Variants in UFL1 observed in about 807,000 individuals in gnomAD.
The protein encoded by UFL1 is UFM1 specific ligase 1, also known as E3 UFM1-protein ligase 1.
Under a neutral mutation model 99.3 loss-of-function variants are expected in UFL1, and 78 were observed. The observed-to-expected ratio is 0.79, with a 90% confidence interval of 0.65 to 0.95. The LOEUF (loss-of-function observed/expected upper bound fraction) is 0.95, where lower values mean the gene tolerates loss of function less well. Ranked by LOEUF, UFL1 falls within the 40% of genes least tolerant of loss-of-function variation. UFL1 has a pLI of 0.00. For synonymous variants in UFL1, 335 were observed against 322.2 expected, an observed-to-expected ratio of 1.04 and a Z score of -0.42; for missense variants, 936 against 937.0, an observed-to-expected ratio of 1.00 and a Z score of 0.01.
At chr6:96,547,373 A>G (rs1562256281) in intron 12 of UFL1, among the ~76,000 whole-genome samples, 1 of 151,634 alleles carries the variant, frequency 6.6e-6, no homozygotes, top group Non-Finnish European at 1.5e-5. Flanking sequence ...GTTGGAGAGA[A>G]TGTAAATTAG....
At chr6:96,532,683 A>G (rs558067122) in intron 6 of UFL1, among the ~76,000 whole-genome samples, 1 of 152,160 alleles carries the variant, frequency 6.6e-6, no homozygotes, top group East Asian at 1.9e-4. Flanking sequence ...CTCCTTTTCC[A>G]CTTACCACCG....
chr6:96,528,704 G>A, intron 6 of UFL1, 72 bp downstream of exon 6: 1 of 1,470,210 alleles, frequency 6.8e-7, no homozygotes, highest in East Asian at 2.4e-5. Context: ...CCTAGCAGCG[G>A]AATCTTTTTC....
rs1770114558 is a variant in UFL1 at position 96,553,701 on chromosome 6, A to C, written c.*198A>C. Reference sequence around the variant, plus strand: ...TGAATTTTTGTAAATTGGGTTCTTCATGGAAGTTTTTTTCCACCTGATTTT... The same window carrying C: ...TGAATTTTTGTAAATTGGGTTCTTCCTGGAAGTTTTTTTCCACCTGATTTT... On this transcript the variant is annotated 3_prime_UTR_variant, in exon 19 of 19. Transcript: ENST00000369278. 1 of 420,474 alleles carries C rather than the reference A, an allele frequency of 2.4e-6. No homozygotes were observed. The highest frequency in any genetic ancestry group is 4.2e-6 in the Non-Finnish European group (1 of 239,130). The allele number at this position is 420,474 out of a possible 1,614,324, so 26.0% of individuals were successfully genotyped here. A position where few individuals can be genotyped will look rare whatever the true frequency, so the allele number is the denominator to read the frequency against.
chr6:96,532,901 A>G (rs542996542), intron 6 of UFL1, among the ~76,000 whole-genome samples: 1 of 152,312 alleles, frequency 6.6e-6, no homozygotes, highest in Admixed American at 6.5e-5. Context: ...ATTTAATAAA[A>G]AGCAAATTGA....
Position 96,536,107 on chromosome 6 carries a change from C to T in UFL1, c.656-137C>T, listed in dbSNP as rs1769848908. The T allele has an allele frequency of 4.9e-6, 4 of 820,362 alleles. No homozygotes were observed. In the East Asian group the frequency reaches 8.8e-5, roughly 18 times the overall value. 50.8% of individuals were successfully genotyped at this position (820,362 alleles called of 1,614,324 possible). ...GAAAATTTTGTCTAAAATATACTAC[C>T]TTTATTTATGCTATTTCAACTTCAG... is the stretch of plus-strand genomic sequence containing the variant. On this transcript the variant is annotated intron_variant, in intron 7 of 18. Transcript: ENST00000369278.
At position 96,525,344 on chromosome 6, in the gene UFL1, T is replaced by C; in HGVS notation, c.300T>C (p.Ile100=). The C allele has an allele frequency of 1.2e-6, 2 of 1,610,656 alleles. No individual in the cohort carries two copies. Among genetic ancestry groups the C allele is most frequent in the South Asian group, 1.1e-5 (1 of 90,262 alleles). Residue 100 remains isoleucine, a synonymous_variant, in exon 4 of 19, where the codon ATT becomes ATC. Coordinates refer to ENST00000369278, the MANE Select transcript of UFL1 (RefSeq NM_015323.5). ...ATATTGAAAATAGAATTGGTGACAT[T>C]ATTAAATCAGAAAAGCATGTTCAGT... ...LIHIENRIGD[I]IKSEKHVQLV...
chr6:96,549,242 C>T (rs1348955533), intron 13 of UFL1, among the ~76,000 whole-genome samples, 170 bp from the exon 14 acceptor site: 1 of 151,306 alleles, frequency 6.6e-6, no homozygotes, highest in East Asian at 1.9e-4. Context: ...TGTCTTAATT[C>T]CTAGGGTTGT....
At position 96,553,560 on chromosome 6, in the gene UFL1, G is replaced by A. The variant is rs1292846019; in HGVS notation, c.*57G>A. On this transcript the variant is annotated 3_prime_UTR_variant, in exon 19 of 19. Coordinates refer to ENST00000369278, the MANE Select transcript of UFL1 (RefSeq NM_015323.5). ...CATTTTCCCCCAAGGTTGAAGGTGA[G>A]TGGTCACAAAAAAGTAGTCACTATA... is the stretch of plus-strand genomic sequence containing the variant. 27 of 1,516,574 alleles carry A rather than the reference G, an allele frequency of 1.8e-5. No individual in the cohort carries two copies. The highest frequency in any genetic ancestry group is 2.4e-5 in the Non-Finnish European group (27 of 1,117,040). The allele number at this position is 1,516,574 out of a possible 1,614,324, so 93.9% of individuals were successfully genotyped here. A position where few individuals can be genotyped will look rare whatever the true frequency, so the allele number is the denominator to read the frequency against.
chr6:96,536,416 A>G (rs1006604055), intron 8 of UFL1, 26 bp downstream of exon 8: 4 of 1,575,826 alleles, frequency 2.5e-6, no homozygotes, highest in African/African-American at 1.4e-5. Flanking sequence ...CTTTAAAACT[A>G]AAATTTATTT....
chr6:96,523,004 T>G (rs1427615864), intron 1 of UFL1, 142 bp from the exon 2 acceptor site: 7 of 687,488 alleles, frequency 1.0e-5, no homozygotes, highest in African/African-American at 9.2e-5. Flanking sequence ...TTGAATCAGT[T>G]AGTGAAAAAT....
At chr6:96,540,496 A>C (rs542970319) in intron 10 of UFL1, 39 bp from the exon 11 acceptor site, 6 of 1,576,560 alleles carry the variant, frequency 3.8e-6, no homozygotes, top group South Asian at 1.2e-5. Flanking sequence ...TGGAAATGCT[A>C]TGTGTTTTTC....
intron 3 of UFL1, among the ~76,000 whole-genome samples, chr6:96,524,756 T>G (rs193124615): frequency 6.6e-6 from 1 of 152,302 alleles, no homozygotes; most frequent in African/African-American, 2.4e-5. Context: ...GTCACCAGTT[T>G]CATGTTTATA....
At chr6:96,552,074 CAA>C (rs1364536929) in intron 17 of UFL1, 151 bp downstream of exon 17, 13 of 553,430 alleles carry the variant, frequency 2.3e-5, no homozygotes, top group Admixed American at 3.5e-5. Context: ...CAAGAATATT[CAA>C]AGTCTTAAAA....
At chr6:96,551,663 AAGCTGCTGGCATTTTAC>A (rs942336578) in intron 16 of UFL1, 150 bp downstream of exon 16, 1 of 726,398 alleles carries the variant, frequency 1.4e-6, no homozygotes, top group African/African-American at 1.8e-5. Context: ...AGAGAAGACC[AAGCTGCTGGCATTTTAC>A]CATTGTTAGT....
At position 96,550,865 on chromosome 6, in the gene UFL1, A is replaced by G. The variant is rs150365321; in HGVS notation, c.1819-568A>G. ...AGCCCTTAATCTTCCCAGACATTAT[A>G]CACTTCAGGGCCTGGTGTCAAGCCA... is the stretch of plus-strand genomic sequence containing the variant. On this transcript the variant is annotated intron_variant, in intron 15 of 18. Transcript: ENST00000369278. Among the ~76,000 whole-genome samples, 460 of 152,118 alleles carry G rather than the reference A, an allele frequency of 3.0e-3. 1 individual carries two copies. Among genetic ancestry groups the G allele is most frequent in the African/African-American group, 0.011 (438 of 41,540 alleles).
chr6:96,546,351 T>A (rs1407995912), intron 12 of UFL1, among the ~76,000 whole-genome samples: 2 of 148,406 alleles, frequency 1.3e-5, no homozygotes, highest in African/African-American at 4.9e-5. Context: ...AAAACACTGA[T>A]GAAAGAAATC....
rs755404414 is a variant in UFL1, at chr6:96,521,965, C to T, written c.77+15C>T. 21 of 1,608,884 alleles carry T rather than the reference C, an allele frequency of 1.3e-5. No homozygotes were observed. The highest frequency in any genetic ancestry group is 2.2e-5 in the South Asian group (2 of 89,756). The stretch of plus-strand genomic sequence containing the variant: ...GCCACGCAGAGGTGCCCGACCCTCC[C>T]TCTCCTTTGTGGAGCCCAAATTAGG... On this transcript the variant is annotated intron_variant, in intron 1 of 18. Coordinates refer to ENST00000369278, the MANE Select transcript of UFL1 (RefSeq NM_015323.5).
At chr6:96,534,770 C>A (rs1255641162) in intron 7 of UFL1, among the ~76,000 whole-genome samples, 1 of 151,322 alleles carries the variant, frequency 6.6e-6, no homozygotes, top group African/African-American at 2.4e-5. Flanking sequence ...CGAAAATAAT[C>A]TTTGTTCATT....
At chr6:96,548,685 A>G (rs1246599428) in intron 13 of UFL1, among the ~76,000 whole-genome samples, 1 of 151,750 alleles carries the variant, frequency 6.6e-6, no homozygotes. Flanking sequence ...TAAGGAGAAT[A>G]TAGAGTAACA....
Sources: gnomAD v4.1 joint callset for allele counts (sites outside exome capture counted in the v4.1 genomes callset) on GRCh38, gnomAD v4.1.1 for gene constraint, MANE v1.5 for transcripts, NCBI Gene and HGNC (gene_info 2026-07-23, HGNC 2026-07-21) for gene names.